The following NRXN3 variants were observed in gnomAD, a reference collection of about 807,000 sequenced individuals.
The protein encoded by NRXN3 is neurexin 3.
A neutral mutation model predicts 137.6 loss-of-function variants in NRXN3; 32 were observed. That is an observed-to-expected ratio of 0.23 (90% CI 0.18 to 0.31). NRXN3 has a LOEUF of 0.31. Among genes scored for constraint, NRXN3 ranks in the 10% least tolerant of loss-of-function variants. The probability of loss-of-function intolerance (pLI) is 1.00; values close to 1 mark genes in which losing one functional copy is unlikely to be tolerated. For missense variants in NRXN3, 1,574 were observed against 2,062.5 expected (o/e 0.76, Z 4.59); for synonymous variants, 798 against 784.5 (o/e 1.02, Z -0.29).
chr14:78,992,199 T>C (rs1397706605), intron 15 of NRXN3, among the ~76,000 whole-genome samples: 1 of 152,222 alleles, frequency 6.6e-6, no homozygotes, highest in African/African-American at 2.4e-5. Context: ...CTGTTTTGAT[T>C]CTGCAATCTA....
intron 4 of NRXN3, among the ~76,000 whole-genome samples, chr14:78,484,021 CACACACAGAGAG>C (rs1381575095): frequency 2.4e-4 from 24 of 99,324 alleles, no homozygotes; most frequent in South Asian, 3.3e-4. Context: ...CACACACACA[CACACACAGAGAG>C]AGAGAGAGAG....
At chr14:78,823,332 C>G (rs553414280) in intron 10 of NRXN3, among the ~76,000 whole-genome samples, 1 of 152,220 alleles carries the variant, frequency 6.6e-6, no homozygotes, top group East Asian at 1.9e-4. Context: ...CGAGGCTCTT[C>G]TACGCTACCT....
intron 4 of NRXN3, among the ~76,000 whole-genome samples, chr14:78,578,406 A>G (rs1165370868): frequency 6.6e-6 from 1 of 152,214 alleles, no homozygotes; most frequent in Non-Finnish European, 1.5e-5. Flanking sequence ...CACTAGAGCT[A>G]TTCGGAGTAA....
At chr14:78,726,959 T>TAAAAAAAAAA (rs55802240) in intron 8 of NRXN3, among the ~76,000 whole-genome samples, 3 of 120,994 alleles carry the variant, frequency 2.5e-5, no homozygotes, top group African/African-American at 6.0e-5. Context: ...ATTTATTCAC[T>TAAAAAAAAAA]AAAAAAAAAA....
At chr14:79,689,231 A>G (rs1051376289) in intron 17 of NRXN3, among the ~76,000 whole-genome samples, 5 of 152,164 alleles carry the variant, frequency 3.3e-5, no homozygotes, top group Non-Finnish European at 5.9e-5. Flanking sequence ...ACTGAATATC[A>G]TTAAAGATTT....
chr14:79,188,191 G>A (rs1250688813), intron 15 of NRXN3, among the ~76,000 whole-genome samples: 2 of 152,108 alleles, frequency 1.3e-5, no homozygotes, highest in Admixed American at 1.3e-4. Context: ...CAGTACTTTG[G>A]CTGATAAATT....
At chr14:78,474,610 A>C (rs1270152061) in intron 4 of NRXN3, among the ~76,000 whole-genome samples, 1 of 152,138 alleles carries the variant, frequency 6.6e-6, no homozygotes, top group Non-Finnish European at 1.5e-5. Context: ...AACTAAAAAT[A>C]AGTTCCTGGT....
chr14:78,174,632 C>T (rs1333817390), intron 1 of NRXN3, among the ~76,000 whole-genome samples: 1 of 152,112 alleles, frequency 6.6e-6, no homozygotes, highest in East Asian at 1.9e-4. Flanking sequence ...TGTGGTGTGG[C>T]TGTGTTTGTT....
intron 15 of NRXN3, among the ~76,000 whole-genome samples, chr14:79,384,227 G>C (rs2081734253): frequency 6.6e-6 from 1 of 152,082 alleles, no homozygotes; most frequent in South Asian, 2.1e-4. Context: ...AGAGGTTTCT[G>C]TCCACTGTGT....
chr14:79,697,985 A>G, intron 19 of NRXN3, 48 bp downstream of exon 19: 1 of 1,515,694 alleles, frequency 6.6e-7, no homozygotes, highest in Non-Finnish European at 9.1e-7. Context: ...TTATCTTTGC[A>G]ACATTGTTAT....
chr14:79,086,238 T>G (rs2152781668), intron 15 of NRXN3, among the ~76,000 whole-genome samples: 1 of 152,200 alleles, frequency 6.6e-6, no homozygotes, highest in African/African-American at 2.4e-5. Flanking sequence ...TTGCACAGGA[T>G]AGGGAGCTGG....
chr14:78,703,449 A>C (rs952091130), intron 6 of NRXN3, among the ~76,000 whole-genome samples: 1 of 152,212 alleles, frequency 6.6e-6, no homozygotes, highest in Non-Finnish European at 1.5e-5. Flanking sequence ...GTTATGCAAT[A>C]ATAAGATTAG....
At chr14:79,753,342 A>G (rs374993491) in intron 19 of NRXN3, among the ~76,000 whole-genome samples, 7 of 151,416 alleles carry the variant, frequency 4.6e-5, no homozygotes, top group Non-Finnish European at 1.0e-4. Flanking sequence ...AATGATAGAC[A>G]GGATTAAGAA....
intron 19 of NRXN3, among the ~76,000 whole-genome samples, chr14:79,748,806 G>A (rs1176044650): frequency 1.3e-5 from 2 of 151,880 alleles, no homozygotes; most frequent in African/African-American, 2.4e-5. Context: ...CAAATACATA[G>A]TGAATTGCGA....
At chr14:78,844,797 C>A (rs116586912) in intron 10 of NRXN3, among the ~76,000 whole-genome samples, 3,655 of 151,934 alleles carry the variant, frequency 0.024, 148 homozygotes, top group African/African-American at 0.083. Flanking sequence ...TCTGGAGAAC[C>A]CTGACTAATA....
At chr14:79,641,895 G>C (rs74632496) in intron 16 of NRXN3, among the ~76,000 whole-genome samples, 2,083 of 135,014 alleles carry the variant, frequency 0.015, 186 homozygotes, top group African/African-American at 0.048. Flanking sequence ...CCCTCCTTAT[G>C]CATACTTCCC....
chr14:79,003,049 G>C (rs2099544983), intron 15 of NRXN3, among the ~76,000 whole-genome samples: 1 of 152,112 alleles, frequency 6.6e-6, no homozygotes, highest in African/African-American at 2.4e-5. Flanking sequence ...TGTAATCATA[G>C]TGTATTACAG....
At chr14:78,709,077 G>A (rs1181969078) in intron 6 of NRXN3, 140 bp from the exon 7 acceptor site, 1 of 688,150 alleles carries the variant, frequency 1.5e-6, no homozygotes, top group Non-Finnish European at 2.4e-6. Flanking sequence ...TTTGGTTCCT[G>A]TGTCTCATTG....
At chr14:78,603,123 C>T (rs1409216557) in intron 4 of NRXN3, among the ~76,000 whole-genome samples, 3 of 152,196 alleles carry the variant, frequency 2.0e-5, no homozygotes, top group East Asian at 1.9e-4. Context: ...TGGTTAGAAG[C>T]AGCGTGTCCC....
Sources: allele counts gnomAD v4.1 joint callset (sites outside exome capture counted in the v4.1 genomes callset), GRCh38; gene constraint gnomAD v4.1.1; transcripts MANE v1.5; gene names NCBI Gene and HGNC (gene_info 2026-07-23, HGNC 2026-07-21).